Variants in CYP20A1 observed in about 807,000 individuals in gnomAD.
CYP20A1 encodes cytochrome P450 family 20 subfamily A member 1.
A neutral mutation model predicts 61.4 loss-of-function variants in CYP20A1; 61 were observed. The ratio of observed to expected loss-of-function variants is 0.99; its 90% confidence interval spans 0.81 to 1.23. The LOEUF (loss-of-function observed/expected upper bound fraction) is 1.23. CYP20A1 is among the 50% of genes most tolerant of loss of function. The probability of loss-of-function intolerance (pLI) is 0.00; values close to 1 mark genes in which losing one functional copy is unlikely to be tolerated. For missense variants in CYP20A1, 530 were observed against 542.4 expected (o/e 0.98, Z 0.23); for synonymous variants, 193 against 188.2 (o/e 1.03, Z -0.21).
At chr2:203,289,951 TATA>T in intron 10 of CYP20A1, 75 bp downstream of exon 10, 1 of 611,606 alleles carries the variant, frequency 1.6e-6, no homozygotes, top group Non-Finnish European at 2.6e-6. Flanking sequence ...TATATATATA[TATA>T]TTTTAGACAG....
intron 7 of CYP20A1, 54 bp from the exon 8 acceptor site, chr2:203,280,005 A>G: frequency 2.4e-6 from 3 of 1,265,992 alleles, no homozygotes; most frequent in Non-Finnish European, 2.2e-6. Flanking sequence ...AGCAGGGCCT[A>G]ATATAGGCTA....
chr2:203,252,387 TA>T (rs2066725436), intron 4 of CYP20A1, among the ~76,000 whole-genome samples: 1 of 151,826 alleles, frequency 6.6e-6, no homozygotes, highest in Non-Finnish European at 1.5e-5. Flanking sequence ...TATATATATA[TA>T]TATTTTGTTG....
At chr2:203,249,952 A>G (rs1427742852) in intron 3 of CYP20A1, among the ~76,000 whole-genome samples, 1 of 152,232 alleles carries the variant, frequency 6.6e-6, no homozygotes, top group Non-Finnish European at 1.5e-5. Context: ...AGCTGGGTAC[A>G]AATAAAAATG....
At chr2:203,291,838 G>A (rs181460801) in intron 10 of CYP20A1, among the ~76,000 whole-genome samples, 3 of 152,102 alleles carry the variant, frequency 2.0e-5, no homozygotes, top group East Asian at 1.9e-4. Context: ...CTCCCTCCAC[G>A]CCACAACAGG....
chr2:203,302,948 C>T lies in CYP20A1; in HGVS notation c.*6040C>T, dbSNP rs1334089462. Among the ~76,000 whole-genome samples, 7 of 152,064 alleles carry T rather than the reference C, an allele frequency of 4.6e-5. No homozygotes were observed. Among genetic ancestry groups the T allele is most frequent in the Non-Finnish European group, 5.9e-5 (4 of 68,012 alleles). ...CCTTGTGATCTGCCCAACTCAGCCT[C>T]CCAGAGTGCTGGGATTACAAGCATG... On this transcript the variant is annotated 3_prime_UTR_variant, in exon 13 of 13. Coordinates refer to ENST00000356079, the MANE Select transcript of CYP20A1 (RefSeq NM_177538.3).
chr2:203,239,112 G>T lies in CYP20A1; in HGVS notation c.50G>T (p.Gly17Val). ...GTTACCTTCTTGCTGGCGTTGGTGG[G>T]AGCCGTGCTCTACCTCTATCCGGTG... ...FAVTFLLALVGAVLYLYPASR... is the reference protein window; with the variant it reads ...FAVTFLLALVVAVLYLYPASR... The change falls in exon 1 of 13, where the codon GGA becomes GTA. Residue 17 changes from glycine (G) to valine (V), a missense_variant. Transcript: ENST00000356079. 1 of 1,613,480 alleles carries T rather than the reference G, an allele frequency of 6.2e-7. No homozygotes were observed. The highest frequency in any genetic ancestry group is 1.3e-5 in the African/African-American group (1 of 75,006).
chr2:203,268,622 T>C (rs1055675618), intron 5 of CYP20A1, among the ~76,000 whole-genome samples: 1 of 152,194 alleles, frequency 6.6e-6, no homozygotes, highest in Non-Finnish European at 1.5e-5. Flanking sequence ...TTTGTTTTGT[T>C]TTTTACATCC....
chr2:203,246,787 G>T lies in CYP20A1; in HGVS notation c.155G>T (p.Gly52Val). The change falls in exon 3 of 13, where the codon GGA becomes GTA. Residue 52 changes from glycine (G) to valine (V), a missense_variant. By Grantham distance (109) the Gly-to-Val change is moderately radical. Coordinates refer to ENST00000356079, the MANE Select transcript of CYP20A1 (RefSeq NM_177538.3). ...AATCTTCCAGATATTGTGAATAGTG[G>T]AAGTTTGCATGAGTTCCTGGTTAAT... ...DGNLPDIVNS[G>V]SLHEFLVNLH... 2 of 1,614,110 alleles carry T rather than the reference G, an allele frequency of 1.2e-6. No homozygotes were observed. The highest frequency in any genetic ancestry group is 1.7e-6 in the Non-Finnish European group (2 of 1,180,014).
At position 203,272,550 on chromosome 2, in the gene CYP20A1, CAAAAAAAAA is replaced by C. The variant is rs368688435; in HGVS notation, c.601-107_601-99del. 120 of 132,382 alleles carry C rather than the reference CAAAAAAAAA, an allele frequency of 9.1e-4. 1 individual carries two copies. The highest frequency in any genetic ancestry group is 4.8e-3 in the African/African-American group (104 of 21,678). The allele number at this position is 132,382 out of a possible 1,614,324, so 8.2% of individuals were successfully genotyped here. ...AGGTGACAGAGCCGGAACCCTGACTCAAAAAAAAAAAAAAAAAAAAAGAGTTAAAGAGTT... is the reference window on the plus strand; with the variant it reads ...AGGTGACAGAGCCGGAACCCTGACTCAAAAAAAAAAAAGAGTTAAAGAGTT... On this transcript the variant is annotated intron_variant, in intron 5 of 12. Coordinates refer to ENST00000356079, the MANE Select transcript of CYP20A1 (RefSeq NM_177538.3).
Position 203,245,859 on chromosome 2 carries a change from C to T in CYP20A1, c.86C>T (p.Ala29Val), listed in dbSNP as rs2066442539. ...VLYLYPASRQAAGIPGITPTE... is the reference protein window; with the variant it reads ...VLYLYPASRQVAGIPGITPTE... ...TTTTTTTGTAAGGCTTCCAGACAAG[C>T]TGCAGGAATTCCAGGGATTACTCCA... The change falls in exon 2 of 13, where the codon GCT becomes GTT. Residue 29 changes from alanine to valine, a missense_variant. Coordinates refer to ENST00000356079, the MANE Select transcript of CYP20A1 (RefSeq NM_177538.3). 6.2e-7 allele frequency: 1 copy of T among 1,602,000 alleles called. No homozygotes were observed. Among genetic ancestry groups the T allele is most frequent in the African/African-American group, 1.3e-5 (1 of 74,600 alleles).
intron 5 of CYP20A1, among the ~76,000 whole-genome samples, chr2:203,271,249 G>A (rs1372406426): frequency 5.3e-5 from 8 of 150,066 alleles, no homozygotes; most frequent in African/African-American, 9.8e-5. Context: ...CACCACGCCC[G>A]GCTAATTTTT....
intron 1 of CYP20A1, among the ~76,000 whole-genome samples, chr2:203,243,028 A>T (rs1353055632): frequency 2.0e-5 from 3 of 152,186 alleles, no homozygotes; most frequent in African/African-American, 7.2e-5. Flanking sequence ...TTAATTCATA[A>T]ACCTTAAGTG....
chr2:203,296,948 A>C lies in CYP20A1; in HGVS notation c.*40A>C, dbSNP rs1274428307. ...AAAATCATTGTTAAATTGATTGAGG[A>C]AAACAACCATTTAAAAAAAATCTAT... On this transcript the variant is annotated 3_prime_UTR_variant, in exon 13 of 13. Transcript: ENST00000356079. 1.6e-6 allele frequency: 2 copies of C among 1,215,058 alleles called. No homozygotes were observed. The highest frequency in any genetic ancestry group is 3.0e-5 in the South Asian group (2 of 66,274). The allele number at this position is 1,215,058 out of a possible 1,614,324, so 75.3% of individuals were successfully genotyped here. A position where few individuals can be genotyped will look rare whatever the true frequency, so the allele number is the denominator to read the frequency against.
chr2:203,285,795 A>G, intron 9 of CYP20A1, 63 bp downstream of exon 9: 3 of 1,398,872 alleles, frequency 2.1e-6, no homozygotes, highest in Non-Finnish European at 2.8e-6. Context: ...TATCTAATTT[A>G]AAGCTATTGT....
intron 4 of CYP20A1, among the ~76,000 whole-genome samples, chr2:203,255,644 T>C (rs1239041050): frequency 6.6e-6 from 1 of 152,212 alleles, no homozygotes; most frequent in Non-Finnish European, 1.5e-5. Context: ...ACCCCTTTGT[T>C]CTTGGGACAA....
At chr2:203,251,124 C>A in intron 3 of CYP20A1, among the ~76,000 whole-genome samples, 1 of 134,690 alleles carries the variant, frequency 7.4e-6, no homozygotes, top group South Asian at 2.5e-4. Flanking sequence ...AAAATGTTAA[C>A]AGTATCTCGG....
Position 203,301,258 on chromosome 2 carries a change from TTTTC to T in CYP20A1, c.*4354_*4357del, listed in dbSNP as rs1187503338. 2.0e-5 allele frequency among the ~76,000 whole-genome samples: 3 copies of T among 150,556 alleles called. No homozygotes were observed. Among genetic ancestry groups the T allele is most frequent in the African/African-American group, 7.3e-5 (3 of 41,004 alleles). On this transcript the variant is annotated 3_prime_UTR_variant, in exon 13 of 13. Transcript: ENST00000356079. ...CTTTTTCTTTTCTTTCTTTCTTTTCTTTTCTTTTTTTTTTTTGAGGCACAGTCTT... is the reference window on the plus strand; with the variant it reads ...CTTTTTCTTTTCTTTCTTTCTTTTCTTTTTTTTTTTTTGAGGCACAGTCTT...
At chr2:203,256,756 T>C in intron 4 of CYP20A1, among the ~76,000 whole-genome samples, 1 of 152,208 alleles carries the variant, frequency 6.6e-6, no homozygotes, top group East Asian at 1.9e-4. Context: ...TACTGCTGTA[T>C]ACTTGGCTCT....
At chr2:203,253,229 C>T (rs968721746) in intron 4 of CYP20A1, among the ~76,000 whole-genome samples, 1 of 152,134 alleles carries the variant, frequency 6.6e-6, no homozygotes, top group African/African-American at 2.4e-5. Flanking sequence ...TCCTGAAGCG[C>T]ACTGTTTCTG....
Sources: allele counts gnomAD v4.1 joint callset (sites outside exome capture counted in the v4.1 genomes callset), GRCh38; gene constraint gnomAD v4.1.1; transcripts MANE v1.5; gene names NCBI Gene and HGNC (gene_info 2026-07-23, HGNC 2026-07-21).